Variants in DIXDC1 observed in about 807,000 individuals in gnomAD.
DIXDC1 encodes the protein DIX domain containing 1.
Under a neutral mutation model 103.1 loss-of-function variants are expected in DIXDC1, and 64 were observed. The observed-to-expected ratio is 0.62, with a 90% confidence interval of 0.51 to 0.76. The LOEUF (loss-of-function observed/expected upper bound fraction) is 0.76. Ranked by LOEUF, DIXDC1 falls within the 30% of genes least tolerant of loss-of-function variation. The pLI is 0.00. For missense variants in DIXDC1, 759 were observed against 834.2 expected (o/e 0.91, Z 1.11); for synonymous variants, 266 against 298.5 (o/e 0.89, Z 1.12).
chr11:111,987,360 A>C (rs1860527899), intron 9 of DIXDC1, among the ~76,000 whole-genome samples: 1 of 152,068 alleles, frequency 6.6e-6, no homozygotes, highest in Non-Finnish European at 1.5e-5. Context: ...AAAGAGAGAG[A>C]TACATCCCAA....
At chr11:111,949,888 C>T (rs182209686) in intron 1 of DIXDC1, among the ~76,000 whole-genome samples, 1 of 152,332 alleles carries the variant, frequency 6.6e-6, no homozygotes, top group East Asian at 1.9e-4. Flanking sequence ...TCCAGCCTTC[C>T]ATCCTGTTGC....
intron 3 of DIXDC1, among the ~76,000 whole-genome samples, chr11:111,973,558 C>CT (rs1273553358): frequency 6.6e-6 from 1 of 152,142 alleles, no homozygotes; most frequent in Non-Finnish European, 1.5e-5. Context: ...TTTTTAAGTG[C>CT]TTGATAGCTA....
At chr11:111,967,718 G>A (rs587612180) in intron 2 of DIXDC1, among the ~76,000 whole-genome samples, 4 of 152,340 alleles carry the variant, frequency 2.6e-5, no homozygotes, top group South Asian at 2.1e-4. Flanking sequence ...GGGCGCGGGC[G>A]TAAGCCATGG....
intron 2 of DIXDC1, among the ~76,000 whole-genome samples, chr11:111,967,868 TTGCTTGCC>T (rs1299970441): frequency 3.9e-5 from 6 of 152,374 alleles, no homozygotes; most frequent in Admixed American, 3.9e-4. Flanking sequence ...TGCCCTGGCA[TTGCTTGCC>T]TGTCTAGCCT....
In DIXDC1 at chr11:112,016,676, T is replaced by C; in HGVS notation, c.1757-15T>C. ...GCAAATGAATGTTCTAACCACAGTCTCTTTCTGATTGTAGAGTTGCCTCAC... is the reference window on the plus strand; with the variant it reads ...GCAAATGAATGTTCTAACCACAGTCCCTTTCTGATTGTAGAGTTGCCTCAC... On this transcript the variant is annotated splice_polypyrimidine_tract_variant and intron_variant, in intron 17 of 19. Transcript: ENST00000440460. 6.3e-7 allele frequency: 1 copy of C among 1,577,594 alleles called. No individual in the cohort carries two copies. The highest frequency in any genetic ancestry group is 8.6e-7 in the Non-Finnish European group (1 of 1,162,234).
At position 111,993,621 on chromosome 11, in the gene DIXDC1, C is replaced by T. The variant is rs193278813; in HGVS notation, c.1365+33C>T. The stretch of plus-strand genomic sequence containing the variant: ...CATATTCAGCCACTGACTTCCCTGC[C>T]TCTTTGGCCCAAAGAAATCATTTTC... On this transcript the variant is annotated intron_variant, in intron 13 of 19. Transcript: ENST00000440460. The T allele has an allele frequency of 1.2e-3, 1,973 of 1,613,850 alleles. 3 individuals carry two copies. Among genetic ancestry groups the T allele is most frequent in the Admixed American group, 4.6e-3 (278 of 60,016 alleles).
intron 1 of DIXDC1, among the ~76,000 whole-genome samples, chr11:111,928,726 C>T (rs1965918152): frequency 1.3e-5 from 2 of 151,668 alleles, no homozygotes. Context: ...TGCGCCACTG[C>T]ACTCCAGCCT....
rs1555174639 is a variant in DIXDC1, at chr11:111,992,452, C to G, written c.1151C>G (p.Ser384Cys). ...CAGAGATTGACTCAGCAGGACACATCTGTTCTTCAGCTCAAACAAGAGCTA... is the reference window on the plus strand; with the variant it reads ...CAGAGATTGACTCAGCAGGACACATGTGTTCTTCAGCTCAAACAAGAGCTA... ...LQQRLTQQDT[S>C]VLQLKQELLR... is the part of the protein sequence containing the mutation. Residue 384 changes from serine to cysteine, a missense_variant, in exon 11 of 20, where the codon TCT becomes TGT. This residue lies in a region of DIXDC1 where 657 missense variants were observed against 727.5 expected (regional missense o/e 0.90). Transcript: ENST00000440460. 1 of 1,583,880 alleles carries G rather than the reference C, an allele frequency of 6.3e-7. No homozygotes were observed. The highest frequency in any genetic ancestry group is 8.6e-7 in the Non-Finnish European group (1 of 1,164,462).
intron 4 of DIXDC1, among the ~76,000 whole-genome samples, 159 bp from the exon 5 acceptor site, chr11:111,974,716 TG>T (rs1373715213): frequency 2.0e-5 from 3 of 152,176 alleles, no homozygotes; most frequent in African/African-American, 7.2e-5. Flanking sequence ...ACTTGTTTTT[TG>T]TCTGCCTTCC....
At chr11:112,012,007 A>T (rs1401784771) in intron 17 of DIXDC1, among the ~76,000 whole-genome samples, 1 of 152,258 alleles carries the variant, frequency 6.6e-6, no homozygotes, top group Non-Finnish European at 1.5e-5. Context: ...TATAAACTTC[A>T]TAAAATATGT....
chr11:111,958,991 C>T lies in DIXDC1; in HGVS notation c.61-5558C>T, dbSNP rs944390878. Among the ~76,000 whole-genome samples, 13 of 152,202 alleles carry T rather than the reference C, an allele frequency of 8.5e-5. No homozygotes were observed. Among genetic ancestry groups the T allele is most frequent in the African/African-American group, 1.9e-4 (8 of 41,526 alleles). On this transcript the variant is annotated intron_variant, in intron 1 of 19. Coordinates refer to ENST00000440460, the MANE Select transcript of DIXDC1 (RefSeq NM_001037954.4). This position sits in a 1 kb window ranked among gnomAD's most constrained non-coding sequence, Gnocchi z 4.2. ...ACTCTGCTGAGAGCTGAACACTCAT[C>T]GGGACACCCTGGCTGTGGAGATGAG...
Position 111,998,080 on chromosome 11 carries a change from C to T in DIXDC1, c.1756+1934C>T, listed in dbSNP as rs1230954987. On this transcript the variant is annotated intron_variant, in intron 17 of 19. Coordinates refer to ENST00000440460, the MANE Select transcript of DIXDC1 (RefSeq NM_001037954.4). This position sits in a 1 kb window ranked among gnomAD's most constrained non-coding sequence, Gnocchi z 4.1. ...GTTGGGTCTCTGTTGACTTTCTTGTCGCCTAATCAAGTGGTTACTTTTTAA... is the reference window on the plus strand; with the variant it reads ...GTTGGGTCTCTGTTGACTTTCTTGTTGCCTAATCAAGTGGTTACTTTTTAA... Among the ~76,000 whole-genome samples the T allele has an allele frequency of 6.6e-6, 1 of 152,146 alleles. No individual in the cohort carries two copies. Among genetic ancestry groups the T allele is most frequent in the Non-Finnish European group, 1.5e-5 (1 of 68,026 alleles).
Position 111,959,568 on chromosome 11 carries a change from C to T in DIXDC1, c.61-4981C>T, listed in dbSNP as rs587770766. ...CCCTTAGCAGGCACGGGATCCAAGC[C>T]GGCAGTGCGAGCTTGCCAGACTGAG... On this transcript the variant is annotated intron_variant, in intron 1 of 19. Coordinates refer to ENST00000440460, the MANE Select transcript of DIXDC1 (RefSeq NM_001037954.4). 5.3e-5 allele frequency among the ~76,000 whole-genome samples: 8 copies of T among 152,342 alleles called. No homozygotes were observed. In the South Asian group the frequency reaches 8.3e-4, roughly 16 times the overall value.
chr11:111,969,941 A>G (rs1859859869), intron 3 of DIXDC1, among the ~76,000 whole-genome samples: 1 of 152,210 alleles, frequency 6.6e-6, no homozygotes, highest in South Asian at 2.1e-4. Flanking sequence ...CTCTTCACTG[A>G]TGATATGATT....
At position 111,938,272 on chromosome 11, in the gene DIXDC1, A is replaced by C. The variant is rs184415782; in HGVS notation, c.60+713A>C. 1.2e-3 allele frequency among the ~76,000 whole-genome samples: 181 copies of C among 152,042 alleles called. 1 individual carries two copies. The highest frequency in any genetic ancestry group is 4.0e-3 in the African/African-American group (166 of 41,470). ...TTTCTCTTACAATTCTGTTTATTGC[A>C]TTTGCTTTTCTTGTGACCCAGGAAA... On this transcript the variant is annotated intron_variant, in intron 1 of 19. Transcript: ENST00000440460.
At chr11:111,988,974 A>G (rs1313428796) in intron 9 of DIXDC1, 31 bp from the exon 10 acceptor site, 2 of 1,594,224 alleles carry the variant, frequency 1.3e-6, no homozygotes, top group Non-Finnish European at 1.7e-6. Context: ...CCCAGATGTC[A>G]CCATCTGATC....
rs1034661489 is a variant in DIXDC1 at position 111,993,111 on chromosome 11, T to A, written c.1272+107T>A. On this transcript the variant is annotated intron_variant, in intron 12 of 19. Coordinates refer to ENST00000440460, the MANE Select transcript of DIXDC1 (RefSeq NM_001037954.4). ...GTATTCTATTTTCATCCTTTTTGAT[T>A]TTTTTTTATCCTTGCTTTTTAGAAG... The A allele has an allele frequency of 2.9e-5, 38 of 1,297,406 alleles. No individual in the cohort carries two copies. In the East Asian group the frequency reaches 3.0e-4, roughly 10 times the overall value. 80.4% of individuals were successfully genotyped at this position (1,297,406 alleles called of 1,614,324 possible). A position where few individuals can be genotyped will look rare whatever the true frequency, so the allele number is the denominator to read the frequency against.
chr11:112,003,175 A>T (rs183801436), intron 17 of DIXDC1, among the ~76,000 whole-genome samples: 1 of 152,308 alleles, frequency 6.6e-6, no homozygotes, highest in East Asian at 1.9e-4. Flanking sequence ...TTTGATAAGA[A>T]GTAGGGTGAC....
chr11:111,977,657 C>T lies in DIXDC1; in HGVS notation c.656+2674C>T, dbSNP rs1197112133. The T allele has an allele frequency of 4.5e-6, 7 of 1,546,532 alleles. 1 individual carries two copies. The highest frequency in any genetic ancestry group is 6.1e-6 in the Non-Finnish European group (7 of 1,144,822). On this transcript the variant is annotated intron_variant, in intron 5 of 19. Transcript: ENST00000440460. This position sits in a 1 kb window ranked among gnomAD's most constrained non-coding sequence, Gnocchi z 6.1. ...TTGCTAGCTGGCCTTCCCGTGGAGG[C>T]GTTTTCCAGCCCCAGCGCGGGGAGA...
Sources: allele counts gnomAD v4.1 joint callset (sites outside exome capture counted in the v4.1 genomes callset), GRCh38; gene constraint gnomAD v4.1.1; regional missense constraint gnomAD v4.1.1; non-coding constraint Gnocchi (gnomAD v3.1); transcripts MANE v1.5; gene names NCBI Gene and HGNC (gene_info 2026-07-23, HGNC 2026-07-21).